DPH6: variants seen among roughly 807,000 people sequenced by gnomAD.
DPH6 encodes diphthamine biosynthesis 6.
In DPH6, 33 loss-of-function variants were observed where a neutral mutation model predicts 38.2. The ratio of observed to expected loss-of-function variants is 0.86; its 90% CI spans 0.65 to 1.15. DPH6 has a LOEUF of 1.15. Among genes scored for constraint, DPH6 ranks in the 50% most tolerant of loss-of-function variants. DPH6 has a pLI of 0.00. For synonymous variants in DPH6, 108 were observed against 103.0 expected (o/e 1.05, Z -0.30); for missense variants, 325 against 320.0 (o/e 1.02, Z -0.12).
rs112068918 is a variant in DPH6, at chr15:35,465,480, T to C, written c.313-10660A>G. ...GGCAAGTATAGCATTAGATGCTTTT[T>C]CCTTAAACTTCAAATTTTTCACTTT... On this transcript the variant is annotated intron_variant, in intron 3 of 8. Coordinates refer to ENST00000256538, the MANE Select transcript of DPH6 (RefSeq NM_080650.4). Among the ~76,000 whole-genome samples, 1,368 of 152,292 alleles carry C rather than the reference T, an allele frequency of 9.0e-3. 22 individuals carry two copies. The highest frequency in any genetic ancestry group is 0.031 in the African/African-American group (1,309 of 41,562).
intron 3 of DPH6, among the ~76,000 whole-genome samples, chr15:35,483,012 T>C (rs1382260358): frequency 1.3e-5 from 2 of 151,988 alleles, no homozygotes; most frequent in African/African-American, 4.8e-5. Context: ...AATTACCTAT[T>C]AAATTGTATA....
the DPH6 span, among the ~76,000 whole-genome samples, chr15:35,206,107 C>T: frequency 9.9e-5 from 15 of 151,560 alleles, no homozygotes; most frequent in South Asian, 2.1e-4. Flanking sequence ...TTTGTGATTG[C>T]GAAAATAAGG....
chr15:35,496,567 A>AAAAAAAAAAAAAAAAAAAAT, intron 3 of DPH6, among the ~76,000 whole-genome samples: 1 of 31,016 alleles, frequency 3.2e-5, no homozygotes, highest in African/African-American at 1.4e-4. Flanking sequence ...AAAAAAAAAA[A>AAAAAAAAAAAAAAAAAAAAT]ATATATATAT....
At chr15:35,346,111 A>G (rs7173193) in intron 3 of DPH6, among the ~76,000 whole-genome samples, 55,090 of 151,814 alleles carry the variant, frequency 0.36, 11,862 homozygotes, top group African/African-American at 0.61. Context: ...GAATAACATT[A>G]AAAGGACATG....
intron 3 of DPH6, among the ~76,000 whole-genome samples, chr15:35,278,167 GA>G (rs2051871718): frequency 6.6e-6 from 1 of 152,196 alleles, no homozygotes; most frequent in Non-Finnish European, 1.5e-5. Context: ...AGCCTCGGAT[GA>G]AAGAATGATT....
At chr15:35,464,969 T>C (rs1281054811) in intron 3 of DPH6, among the ~76,000 whole-genome samples, 8 of 152,214 alleles carry the variant, frequency 5.3e-5, no homozygotes, top group Admixed American at 3.3e-4. Context: ...CATATGGTCA[T>C]AGTGATGATC....
chr15:35,388,658 G>C (rs2053007175), intron 6 of DPH6, among the ~76,000 whole-genome samples: 1 of 152,134 alleles, frequency 6.6e-6, no homozygotes, highest in South Asian at 2.1e-4. Context: ...TCTGATGGTA[G>C]TTTGTATTTC....
chr15:35,248,307 T>G (rs888568970), intron 3 of DPH6, among the ~76,000 whole-genome samples: 3 of 152,182 alleles, frequency 2.0e-5, no homozygotes, highest in African/African-American at 7.2e-5. Flanking sequence ...AACCTAAAAT[T>G]ACTACTCTAA....
At chr15:35,450,125 G>T (rs747814443) in intron 5 of DPH6, among the ~76,000 whole-genome samples, 2 of 152,048 alleles carry the variant, frequency 1.3e-5, no homozygotes, top group Non-Finnish European at 2.9e-5. Context: ...ATTACCACCT[G>T]CCTGCTGTGT....
At chr15:35,461,170 C>T (rs1191722102) in intron 3 of DPH6, among the ~76,000 whole-genome samples, 1 of 152,176 alleles carries the variant, frequency 6.6e-6, no homozygotes, top group African/African-American at 2.4e-5. Flanking sequence ...CTGCAACCTC[C>T]GCCTGCCGGG....
intron 3 of DPH6, among the ~76,000 whole-genome samples, chr15:35,486,855 G>A (rs1028637629): frequency 3.3e-5 from 5 of 152,116 alleles, no homozygotes; most frequent in Admixed American, 2.0e-4. Context: ...CTATGAGCCT[G>A]TAAAATAAAA....
the DPH6 span, among the ~76,000 whole-genome samples, chr15:35,194,111 T>C: frequency 6.6e-6 from 1 of 152,162 alleles, no homozygotes; most frequent in Admixed American, 6.6e-5. Flanking sequence ...AAATACTCAT[T>C]TACTTGTTAA....
In DPH6 at chr15:35,371,634, C is replaced by T; in HGVS notation, c.*516G>A. On this transcript the variant is annotated 3_prime_UTR_variant, in exon 9 of 9. Coordinates refer to ENST00000256538, the MANE Select transcript of DPH6 (RefSeq NM_080650.4). Reference sequence around the variant, plus strand: ...ACTTGTAAGAGTTAAGGACATTCTTCCTAATTGTCCAATAACGTTGAAACA... The same window carrying T: ...ACTTGTAAGAGTTAAGGACATTCTTTCTAATTGTCCAATAACGTTGAAACA... 1.0e-6 allele frequency: 1 copy of T among 983,822 alleles called. No homozygotes were observed. The allele number at this position is 983,822 out of a possible 1,614,324, so 60.9% of individuals were successfully genotyped here.
intron 6 of DPH6, among the ~76,000 whole-genome samples, chr15:35,386,720 CA>C (rs1167793642): frequency 2.0e-5 from 3 of 150,932 alleles, no homozygotes; most frequent in South Asian, 2.2e-4. Flanking sequence ...TGTTTGGGTT[CA>C]TTGTAGATTC....
At chr15:35,162,032 C>T in the DPH6 span, among the ~76,000 whole-genome samples, 62 of 152,048 alleles carry the variant, frequency 4.1e-4, no homozygotes, top group African/African-American at 1.4e-3. Context: ...CTGCATTCCT[C>T]ATCCAAATTC....
intron 3 of DPH6, chr15:35,299,173 CT>C: frequency 7.5e-7 from 1 of 1,338,710 alleles, no homozygotes; most frequent in Non-Finnish European, 1.1e-6. Flanking sequence ...GGAATCAGAA[CT>C]TCCCCTGCAG....
rs77109845 is a variant in DPH6, at chr15:35,492,966, C to T, written c.313-38146G>A. 3.1e-3 allele frequency among the ~76,000 whole-genome samples: 473 copies of T among 152,288 alleles called. 3 individuals carry two copies. The East Asian group carries it at 0.035, about 11-fold the overall frequency. On this transcript the variant is annotated intron_variant, in intron 3 of 8. Transcript: ENST00000256538. ...CACAAGACAGAATGTTACAAATATA[C>T]AGCCAAATGTACAAATTACTTTGAT...
chr15:35,159,302 AT>A, the DPH6 span, among the ~76,000 whole-genome samples: 1 of 151,978 alleles, frequency 6.6e-6, no homozygotes, highest in East Asian at 1.9e-4. Flanking sequence ...AATGCATCTC[AT>A]TCCTTCTTGA....
intron 3 of DPH6, among the ~76,000 whole-genome samples, chr15:35,350,101 T>C (rs2052496996): frequency 6.6e-6 from 1 of 152,182 alleles, no homozygotes; most frequent in Admixed American, 6.6e-5. Flanking sequence ...TGGGACCTGT[T>C]TGATTACAGA....
Sources: allele counts gnomAD v4.1 joint callset (sites outside exome capture counted in the v4.1 genomes callset), GRCh38; gene constraint gnomAD v4.1.1; transcripts MANE v1.5; gene names NCBI Gene and HGNC (gene_info 2026-07-23, HGNC 2026-07-21).